Variants in CHD2 observed in about 807,000 individuals in gnomAD.
CHD2 encodes the protein chromodomain helicase DNA binding protein 2.
Under a neutral mutation model 243.9 loss-of-function variants are expected in CHD2, and 28 were observed. The observed-to-expected ratio is 0.11, with a 90% confidence interval of 0.09 to 0.16. CHD2 has a LOEUF of 0.16. Among genes scored for constraint, CHD2 ranks in the 10% least tolerant of loss-of-function variants. The pLI is 1.00. For synonymous variants in CHD2, 775 were observed against 779.0 expected, an observed-to-expected ratio of 0.99 and a Z score of 0.09; for missense variants, 1,386 against 2,209.8, an observed-to-expected ratio of 0.63 and a Z score of 7.47.
Position 92,900,370 on chromosome 15 carries a change from C to G in CHD2, c.-526C>G, listed in dbSNP as rs1025740968. ...GATGGCGGCTGTGCCTTAGAGAGAG[C>G]GCGCTCTGCTCCCTGCCTTTGCCTC... is the stretch of plus-strand genomic sequence containing the variant. On this transcript the variant is annotated 5_prime_UTR_variant, in exon 1 of 39. Coordinates refer to ENST00000394196, the MANE Select transcript of CHD2 (RefSeq NM_001271.4). 1 of 390,480 alleles carries G rather than the reference C, an allele frequency of 2.6e-6. No individual in the cohort carries two copies. Among genetic ancestry groups the G allele is most frequent in the African/African-American group, 2.1e-5 (1 of 48,456 alleles). 24.2% of individuals were successfully genotyped at this position (390,480 alleles called of 1,614,324 possible). A position where few individuals can be genotyped will look rare whatever the true frequency, so the allele number is the denominator to read the frequency against.
At chr15:92,902,023 T>G in intron 2 of CHD2, 1 of 391,352 alleles carries the variant, frequency 2.6e-6, no homozygotes, top group Non-Finnish European at 4.5e-6. Flanking sequence ...TGTTTGTTAC[T>G]GTGATTAATA....
Position 93,014,973 on chromosome 15 carries a change from C to G in CHD2, c.4906+64C>G, listed in dbSNP as rs1016381343. 1.0e-5 allele frequency: 14 copies of G among 1,352,058 alleles called. No individual in the cohort carries two copies. In the African/African-American group the frequency reaches 1.6e-4, roughly 15 times the overall value. The allele number at this position is 1,352,058 out of a possible 1,614,324, so 83.8% of individuals were successfully genotyped here. A position where few individuals can be genotyped will look rare whatever the true frequency, so the allele number is the denominator to read the frequency against. On this transcript the variant is annotated intron_variant, in intron 37 of 38. Transcript: ENST00000394196. ...AGATAAAAAATTCACACAGCCGTTT[C>G]ATTTTCCAAAGACACTGGCTAGACT...
intron 17 of CHD2, among the ~76,000 whole-genome samples, chr15:92,971,088 T>C (rs1325004205): frequency 6.6e-6 from 1 of 152,228 alleles, no homozygotes; most frequent in Non-Finnish European, 1.5e-5. Flanking sequence ...AACCTCATAA[T>C]GTTAGCTTAT....
intron 22 of CHD2, 83 bp from the exon 23 acceptor site, chr15:92,980,732 C>A: frequency 1.1e-6 from 1 of 942,004 alleles, no homozygotes; most frequent in Non-Finnish European, 1.6e-6. Flanking sequence ...TTAACTTGAC[C>A]TCTTTCTGAA....
At chr15:92,929,233 A>G (rs572841674) in intron 5 of CHD2, 142 bp downstream of exon 5, 1 of 702,000 alleles carries the variant, frequency 1.4e-6, no homozygotes, top group South Asian at 2.0e-5. Context: ...GTGACTGTCT[A>G]CCTTGACCTG....
chr15:93,004,787 G>C, intron 34 of CHD2, 36 bp downstream of exon 34: 1 of 1,599,300 alleles, frequency 6.3e-7, no homozygotes, highest in Non-Finnish European at 8.5e-7. Flanking sequence ...AGTGTCTGCA[G>C]CCGCGGTACT....
chr15:93,012,068 C>T (rs1452850951), intron 35 of CHD2, among the ~76,000 whole-genome samples: 4 of 152,118 alleles, frequency 2.6e-5, no homozygotes, highest in Non-Finnish European at 4.4e-5. Flanking sequence ...CCTCACATAA[C>T]GTTGTTTCCT....
intron 2 of CHD2, among the ~76,000 whole-genome samples, chr15:92,908,549 G>T (rs1462397294): frequency 6.6e-6 from 1 of 152,088 alleles, no homozygotes; most frequent in Non-Finnish European, 1.5e-5. Context: ...ATTTTTAAAA[G>T]CTCTCTGTGT....
chr15:92,945,776 T>C (rs2053457828), intron 10 of CHD2, 45 bp from the exon 11 acceptor site: 26 of 1,290,292 alleles, frequency 2.0e-5, no homozygotes, highest in Non-Finnish European at 2.7e-5. Context: ...TCTTTCATTC[T>C]TCATTGTGTT....
intron 34 of CHD2, 99 bp from the exon 35 acceptor site, chr15:93,009,046 A>G: frequency 7.6e-7 from 1 of 1,310,840 alleles, no homozygotes; most frequent in Non-Finnish European, 1.1e-6. Flanking sequence ...ATTATATGGC[A>G]TAGGGGTGGG....
chr15:92,921,537 C>T (rs1364085245), intron 2 of CHD2: 1 of 152,158 alleles, frequency 6.6e-6, no homozygotes, highest in Non-Finnish European at 1.5e-5. Context: ...CAAGGAAATT[C>T]TGGAGCTGTC....
At chr15:92,996,611 G>C (rs1228053866) in intron 28 of CHD2, among the ~76,000 whole-genome samples, 2 of 152,018 alleles carry the variant, frequency 1.3e-5, no homozygotes, top group African/African-American at 2.4e-5. Context: ...CTAGTGGGAT[G>C]GGTAGGAAAA....
intron 16 of CHD2, among the ~76,000 whole-genome samples, chr15:92,962,419 T>G (rs8032603): frequency 0.094 from 14,326 of 152,232 alleles, 753 homozygotes; most frequent in Middle Eastern, 0.19. Context: ...TCTCTGTGAT[T>G]TATTCTTTGA....
At chr15:92,971,279 A>G (rs1477481523) in intron 17 of CHD2, among the ~76,000 whole-genome samples, 1 of 152,236 alleles carries the variant, frequency 6.6e-6, no homozygotes, top group Non-Finnish European at 1.5e-5. Flanking sequence ...GAACTGTAAA[A>G]TGCTCTAATG....
chr15:92,995,527 C>T lies in CHD2; in HGVS notation c.3596-1430C>T, dbSNP rs960355059. 3.3e-5 allele frequency among the ~76,000 whole-genome samples: 5 copies of T among 152,062 alleles called. No individual in the cohort carries two copies. The South Asian group carries it at 8.3e-4, about 25-fold the overall frequency. On this transcript the variant is annotated intron_variant, in intron 28 of 38. Coordinates refer to ENST00000394196, the MANE Select transcript of CHD2 (RefSeq NM_001271.4). Reference sequence around the variant, plus strand: ...TCCTTCTTACACAGAAGAGAACATACTCTTTTGCACCTGCTTATTTTCATG... The same window carrying T: ...TCCTTCTTACACAGAAGAGAACATATTCTTTTGCACCTGCTTATTTTCATG...
At chr15:93,015,747 A>G (rs1052506597) in intron 37 of CHD2, among the ~76,000 whole-genome samples, 1 of 152,246 alleles carries the variant, frequency 6.6e-6, no homozygotes, top group Admixed American at 6.5e-5. Flanking sequence ...GCCAACAGGT[A>G]TATGAAAAAA....
chr15:92,912,461 AT>A (rs1330078973), intron 2 of CHD2, among the ~76,000 whole-genome samples: 9 of 152,156 alleles, frequency 5.9e-5, no homozygotes, highest in Non-Finnish European at 1.2e-4. Context: ...GGTTCAAGTG[AT>A]TCTCCTGCCT....
chr15:92,984,118 A>C (rs530953116), intron 24 of CHD2, among the ~76,000 whole-genome samples: 35 of 152,328 alleles, frequency 2.3e-4, no homozygotes, highest in African/African-American at 8.4e-4. Flanking sequence ...GCTTTTCAGT[A>C]AAATTTATGA....
chr15:93,022,332 C>T lies in CHD2; in HGVS notation c.5154-2040C>T, dbSNP rs551320835. On this transcript the variant is annotated intron_variant, in intron 38 of 38. Transcript: ENST00000394196. ...GTGCCAGCCTCTTTTAAAGCACCAG[C>T]TCTCACGTGAACTCAGAGAACTCAC... Among the ~76,000 whole-genome samples, 18 of 152,250 alleles carry T rather than the reference C, an allele frequency of 1.2e-4. No homozygotes were observed. In the South Asian group the frequency reaches 3.7e-3, roughly 32 times the overall value.
Sources: allele counts gnomAD v4.1 joint callset (sites outside exome capture counted in the v4.1 genomes callset), GRCh38; gene constraint gnomAD v4.1.1; transcripts MANE v1.5; gene names NCBI Gene and HGNC (gene_info 2026-07-23, HGNC 2026-07-21).